MOK: variants seen among roughly 807,000 people sequenced by gnomAD.
The protein encoded by MOK is MOK protein kinase.
MOK carries 59 observed loss-of-function variants against 54.2 expected under a neutral mutation model. The observed-to-expected ratio is 1.09, with a 90% CI of 0.88 to 1.35. The LOEUF (loss-of-function observed/expected upper bound fraction) is 1.35, where lower values mean the gene tolerates loss of function less well. Among genes scored for constraint, MOK ranks in the 40% most tolerant of loss-of-function variants. The pLI, the probability that MOK is intolerant of heterozygous loss-of-function variation, is 0.00. For synonymous variants in MOK, 210 were observed against 202.7 expected, an observed-to-expected ratio of 1.04 and a Z score of -0.31; for missense variants, 517 against 526.2, an observed-to-expected ratio of 0.98 and a Z score of 0.17.
intron 1 of MOK, among the ~76,000 whole-genome samples, chr14:102,294,844 G>A (rs1323399820): frequency 6.6e-6 from 1 of 152,142 alleles, no homozygotes; most frequent in African/African-American, 2.4e-5. Context: ...CAATGTCCCA[G>A]GCTGGCTCGA....
intron 1 of MOK, among the ~76,000 whole-genome samples, chr14:102,300,119 T>C (rs2071992823): frequency 6.6e-6 from 1 of 150,976 alleles, no homozygotes; most frequent in South Asian, 2.1e-4. Context: ...AGGTCAGGAG[T>C]TCGAGACCAG....
rs188656969 is a variant in MOK at position 102,286,216 on chromosome 14, G to A, written c.8-2624C>T. Among the ~76,000 whole-genome samples, 434 of 147,980 alleles carry A rather than the reference G, an allele frequency of 2.9e-3. 3 individuals carry two copies. The highest frequency in any genetic ancestry group is 0.016 in the South Asian group (76 of 4,664). On this transcript the variant is annotated intron_variant, in intron 1 of 11. Transcript: ENST00000361847. ...CGGGAGGCTGAGGCAGGAGAATGGCGTGAACCCAGGAGGCGGAGCCTGCAG... is the reference window on the plus strand; with the variant it reads ...CGGGAGGCTGAGGCAGGAGAATGGCATGAACCCAGGAGGCGGAGCCTGCAG...
intron 7 of MOK, among the ~76,000 whole-genome samples, chr14:102,234,595 C>G (rs1277298625): frequency 2.0e-5 from 3 of 152,070 alleles, no homozygotes; most frequent in Non-Finnish European, 4.4e-5. Context: ...TTCCTCTACC[C>G]CCCTCCCTTC....
At chr14:102,289,499 TTTTTATTTTA>T (rs895516112) in intron 1 of MOK, among the ~76,000 whole-genome samples, 1 of 152,086 alleles carries the variant, frequency 6.6e-6, no homozygotes, top group East Asian at 1.9e-4. Flanking sequence ...CTGTTTTTTA[TTTTTATTTTA>T]TTTTATTTTA....
intron 4 of MOK, among the ~76,000 whole-genome samples, chr14:102,255,593 T>C (rs1367563620): frequency 6.6e-6 from 1 of 152,114 alleles, no homozygotes. Context: ...AGCAACAGTG[T>C]GGGCCCAGTA....
intron 1 of MOK, among the ~76,000 whole-genome samples, chr14:102,298,705 T>C (rs939125719): frequency 6.6e-6 from 1 of 152,208 alleles, no homozygotes; most frequent in African/African-American, 2.4e-5. Context: ...AAGCCAGCAG[T>C]GGCAACATGC....
At chr14:102,252,348 G>A (rs1454970678) in intron 4 of MOK, among the ~76,000 whole-genome samples, 1 of 151,908 alleles carries the variant, frequency 6.6e-6, no homozygotes. Context: ...TCAGCTACTT[G>A]GGAGGCTGAG....
At chr14:102,221,065 T>TG (rs1360340431), downstream of MOK, among the ~76,000 whole-genome samples, 1 of 152,240 alleles carries the variant, frequency 6.6e-6, no homozygotes, top group East Asian at 1.9e-4. This position sits in a 1 kb window ranked among gnomAD's most constrained non-coding sequence, Gnocchi z 4.8. Context: ...TTGTTAAACG[T>TG]GCTCCCGGGA....
intron 7 of MOK, among the ~76,000 whole-genome samples, chr14:102,241,395 C>T (rs1420793792): frequency 6.6e-6 from 1 of 152,196 alleles, no homozygotes; most frequent in African/African-American, 2.4e-5. Flanking sequence ...CGTGGGGAGA[C>T]TAGCCCTCCC....
intron 1 of MOK, among the ~76,000 whole-genome samples, chr14:102,303,159 C>CA (rs567829813): frequency 4.3e-4 from 55 of 128,980 alleles, no homozygotes; most frequent in South Asian, 2.0e-3. Context: ...AGACCCTGTC[C>CA]AAAAAAAAAA....
chr14:102,281,197 G>A (rs2069385907), intron 2 of MOK, among the ~76,000 whole-genome samples: 1 of 151,962 alleles, frequency 6.6e-6, no homozygotes, highest in African/African-American at 2.4e-5. Context: ...TGTGACGCAC[G>A]CCTGTAGTCC....
rs995763508 is a variant in MOK at position 102,235,862 on chromosome 14, A to G, written c.591-2073T>C. Among the ~76,000 whole-genome samples, 1 of 152,184 alleles carries G rather than the reference A, an allele frequency of 6.6e-6. No homozygotes were observed. Among genetic ancestry groups the G allele is most frequent in the African/African-American group, 2.4e-5 (1 of 41,426 alleles). The stretch of plus-strand genomic sequence containing the variant: ...CTTAACTTGGCTTTCAAAGTCTTTA[A>G]TAACAGGGATGAGCAAAATAAATTA... On this transcript the variant is annotated intron_variant, in intron 7 of 11. Transcript: ENST00000361847. The surrounding 1 kb of genome is among the most constrained non-coding windows in gnomAD (Gnocchi z 4.4).
Position 102,238,777 on chromosome 14 carries a change from C to T in MOK, c.591-4988G>A, listed in dbSNP as rs550574848. Among the ~76,000 whole-genome samples, 4 of 152,272 alleles carry T rather than the reference C, an allele frequency of 2.6e-5. No homozygotes were observed. In the South Asian group the frequency reaches 8.3e-4, roughly 32 times the overall value. On this transcript the variant is annotated intron_variant, in intron 7 of 11. Transcript: ENST00000361847. This position sits in a 1 kb window ranked among gnomAD's most constrained non-coding sequence, Gnocchi z 4.8. ...CATGTCCCCTATATCTCCTCCTCCG[C>T]CCATATTTCTTCTCCCCTCACCTAT...
rs2064710216 is a variant in MOK at position 102,231,570 on chromosome 14, G to A, written c.981+137C>T. 2 of 689,978 alleles carry A rather than the reference G, an allele frequency of 2.9e-6. No homozygotes were observed. The highest frequency in any genetic ancestry group is 3.8e-5 in the South Asian group (2 of 53,312). The allele number at this position is 689,978 out of a possible 1,614,324, so 42.7% of individuals were successfully genotyped here. On this transcript the variant is annotated intron_variant, in intron 10 of 11. Coordinates refer to ENST00000361847, the MANE Select transcript of MOK (RefSeq NM_014226.3). This position sits in a 1 kb window ranked among gnomAD's most constrained non-coding sequence, Gnocchi z 4.4. ...AACACATGGAGCCATCAACTCGCAT[G>A]CTGTTCAGGCCTCGACTGACAATGT...
downstream of MOK, among the ~76,000 whole-genome samples, chr14:102,221,372 G>A (rs2063874174): frequency 1.3e-5 from 2 of 152,352 alleles, no homozygotes; most frequent in Middle Eastern, 3.4e-3. This position sits in a 1 kb window ranked among gnomAD's most constrained non-coding sequence, Gnocchi z 4.8. Context: ...TTCTTAGGGT[G>A]CGCGTGGTGA....
intron 2 of MOK, chr14:102,278,771 T>C (rs1256049050): frequency 6.6e-6 from 3 of 454,272 alleles, no homozygotes; most frequent in Non-Finnish European, 1.3e-5. Context: ...ATTCACCTAG[T>C]ACTGTTCATG....
chr14:102,229,286 C>G lies in MOK; in HGVS notation c.*3G>C. On this transcript the variant is annotated 3_prime_UTR_variant, in exon 12 of 12. Coordinates refer to ENST00000361847, the MANE Select transcript of MOK (RefSeq NM_014226.3). ...CCGAAGTCGAGACGACGGTGCTGCT[C>G]AGTTATCTTCCGCCTTTCCGCACTA... 1 of 1,595,488 alleles carries G rather than the reference C, an allele frequency of 6.3e-7. No individual in the cohort carries two copies.
the MOK span, among the ~76,000 whole-genome samples, chr14:102,216,223 T>C: frequency 1.2e-4 from 19 of 152,318 alleles, no homozygotes; most frequent in Non-Finnish European, 2.4e-4. Flanking sequence ...GGAGGGAACA[T>C]TCAGACCTAC....
chr14:102,218,780 C>T, the MOK span, among the ~76,000 whole-genome samples: 8 of 152,164 alleles, frequency 5.3e-5, no homozygotes, highest in East Asian at 7.7e-4. Context: ...GATGGGACGC[C>T]GTGCAGATTC....
Sources: allele counts gnomAD v4.1 joint callset (sites outside exome capture counted in the v4.1 genomes callset), GRCh38; gene constraint gnomAD v4.1.1; non-coding constraint Gnocchi (gnomAD v3.1); transcripts MANE v1.5; gene names NCBI Gene and HGNC (gene_info 2026-07-23, HGNC 2026-07-21).